The following KLHL29 variants were observed in gnomAD, a reference collection of about 807,000 sequenced individuals.
The protein encoded by KLHL29 is kelch-like protein 29.
A neutral mutation model predicts 80.4 loss-of-function variants in KLHL29; 21 were observed. The observed-to-expected ratio is 0.26, with a 90% CI of 0.19 to 0.38. The LOEUF (loss-of-function observed/expected upper bound fraction) is 0.38, where lower values mean the gene tolerates loss of function less well. Ranked by LOEUF, KLHL29 falls within the 10% of genes least tolerant of loss-of-function variation. The pLI, the probability that KLHL29 is intolerant of heterozygous loss-of-function variation, is 1.00. For missense variants in KLHL29, 867 were observed against 1,223.9 expected (o/e 0.71, Z 4.35); for synonymous variants, 511 against 526.8 (o/e 0.97, Z 0.41).
At chr2:23,489,266 C>T (rs750318740) in intron 2 of KLHL29, among the ~76,000 whole-genome samples, 2 of 152,132 alleles carry the variant, frequency 1.3e-5, no homozygotes, top group Middle Eastern at 3.4e-3. Context: ...AGGGCCTACC[C>T]GCGAGCCTGG....
At chr2:23,594,404 C>T (rs560233916) in intron 3 of KLHL29, among the ~76,000 whole-genome samples, 14 of 152,276 alleles carry the variant, frequency 9.2e-5, no homozygotes, top group African/African-American at 3.4e-4. Flanking sequence ...AGGGACATTT[C>T]GTTCCTCCTG....
intron 2 of KLHL29, among the ~76,000 whole-genome samples, chr2:23,522,458 C>A (rs558314045): frequency 6.6e-6 from 1 of 152,092 alleles, no homozygotes; most frequent in Admixed American, 6.5e-5. Context: ...CCTCTAAGGC[C>A]CTTTTGATTG....
intron 11 of KLHL29, among the ~76,000 whole-genome samples, chr2:23,699,310 G>C (rs571704615): frequency 7.2e-5 from 11 of 152,212 alleles, no homozygotes; most frequent in Non-Finnish European, 1.2e-4. Context: ...CAACCCTGGT[G>C]GCACAGCATG....
At chr2:23,535,914 T>C (rs1489406445) in intron 2 of KLHL29, among the ~76,000 whole-genome samples, 1 of 152,190 alleles carries the variant, frequency 6.6e-6, no homozygotes, top group African/African-American at 2.4e-5. Context: ...GTTTTAGGTT[T>C]TGTATATTTG....
chr2:23,553,291 G>A (rs1667175981), intron 2 of KLHL29, among the ~76,000 whole-genome samples: 1 of 152,248 alleles, frequency 6.6e-6, no homozygotes, highest in East Asian at 1.9e-4. Context: ...GCCAGGATGG[G>A]AGTGGAAATG....
chr2:23,501,204 C>T (rs1665425194), intron 2 of KLHL29, among the ~76,000 whole-genome samples: 1 of 152,026 alleles, frequency 6.6e-6, no homozygotes, highest in South Asian at 2.1e-4. Flanking sequence ...GTGAACACGT[C>T]GGGCAGATTC....
intron 3 of KLHL29, among the ~76,000 whole-genome samples, chr2:23,632,463 G>A (rs528611449): frequency 1.6e-4 from 24 of 152,372 alleles, no homozygotes; most frequent in Admixed American, 3.3e-4. Flanking sequence ...ACCTGGCACC[G>A]TGAAGACCTC....
chr2:23,606,046 G>T (rs989112890), intron 3 of KLHL29, among the ~76,000 whole-genome samples: 1 of 152,102 alleles, frequency 6.6e-6, no homozygotes, highest in African/African-American at 2.4e-5. Flanking sequence ...TGGGATTACA[G>T]GTGTGAGCCA....
intron 3 of KLHL29, among the ~76,000 whole-genome samples, chr2:23,636,181 C>T (rs1038319943): frequency 1.3e-5 from 2 of 152,352 alleles, no homozygotes; most frequent in East Asian, 1.9e-4. Context: ...CGCTGACGCA[C>T]ATCACCAGTG....
At position 23,693,436 on chromosome 2, in the gene KLHL29, G is replaced by A. The variant is rs911194368; in HGVS notation, c.1450G>A (p.Val484Ile). 17 of 1,551,730 alleles carry A rather than the reference G, an allele frequency of 1.1e-5. No individual in the cohort carries two copies. The highest frequency in any genetic ancestry group is 9.8e-5 in the Admixed American group (5 of 51,006). ...CTCCAAGGACGACTTCATCGCCTAC[G>A]TCTCCAACGACAGCCTCAACACCAA... ...SISKDDFIAY[V>I]SNDSLNTKAE... Residue 484 changes from valine (V) to isoleucine (I), a missense_variant, in exon 8 of 14, where the codon GTC (valine) becomes ATC (isoleucine). By Grantham distance (29) the Val-to-Ile change is conservative. This residue lies in a region of KLHL29 where 443 missense variants were observed against 767.0 expected (regional missense o/e 0.58). Transcript: ENST00000486442.
intron 1 of KLHL29, among the ~76,000 whole-genome samples, chr2:23,441,261 T>C (rs998447769): frequency 7.3e-5 from 10 of 136,448 alleles, no homozygotes; most frequent in Non-Finnish European, 1.4e-4. Context: ...TTCTCACTCA[T>C]AGGTGGGAAT....
intron 1 of KLHL29, among the ~76,000 whole-genome samples, chr2:23,445,252 CTA>C (rs932998863): frequency 5.9e-5 from 9 of 152,218 alleles, no homozygotes; most frequent in African/African-American, 2.2e-4. Context: ...CTCCATTCTC[CTA>C]TATAGATAAC....
intron 1 of KLHL29, among the ~76,000 whole-genome samples, chr2:23,388,993 T>TCTTC (rs1558320184): frequency 2.0e-5 from 2 of 100,550 alleles, no homozygotes; most frequent in African/African-American, 3.1e-5. Flanking sequence ...CTTCTTCTTT[T>TCTTC]TTTTTTTTTT....
At position 23,575,061 on chromosome 2, in the gene KLHL29, C is replaced by A. The variant is rs560538482; in HGVS notation, c.285+12580C>A. 2.6e-5 allele frequency among the ~76,000 whole-genome samples: 4 copies of A among 152,304 alleles called. No individual in the cohort carries two copies. The East Asian group carries it at 7.7e-4, about 29-fold the overall frequency. ...CAGGTAACCTGATCTGGGTAGACAGCCTCTCCCCTCTCCCATTTGCTCCTC... is the reference window on the plus strand; with the variant it reads ...CAGGTAACCTGATCTGGGTAGACAGACTCTCCCCTCTCCCATTTGCTCCTC... On this transcript the variant is annotated intron_variant, in intron 3 of 13. Coordinates refer to ENST00000486442, the MANE Select transcript of KLHL29 (RefSeq NM_052920.2).
rs571672770 is a variant in KLHL29, at chr2:23,641,261, C to A, written c.428-1077C>A. Among the ~76,000 whole-genome samples, 4 of 152,328 alleles carry A rather than the reference C, an allele frequency of 2.6e-5. No individual in the cohort carries two copies. The South Asian group carries it at 8.3e-4, about 32-fold the overall frequency. ...TCTCAAGAGATGTATCTGGACCCCA[C>A]CTCATTCAGCCATATTTTTCTTAAG... On this transcript the variant is annotated intron_variant, in intron 4 of 13. Transcript: ENST00000486442.
At position 23,694,570 on chromosome 2, in the gene KLHL29, C is replaced by T. The variant is rs572184662; in HGVS notation, c.1542+1042C>T. Among the ~76,000 whole-genome samples the T allele has an allele frequency of 2.1e-4, 32 of 152,356 alleles. No homozygotes were observed. The Middle Eastern group carries it at 0.01, about 49-fold the overall frequency. ...GGGAAACTGTGCAGTCCTTGTTGAG[C>T]ATGAGCATGAGCTGGCCTCCCCAGC... is the stretch of plus-strand genomic sequence containing the variant. On this transcript the variant is annotated intron_variant, in intron 8 of 13. Coordinates refer to ENST00000486442, the MANE Select transcript of KLHL29 (RefSeq NM_052920.2).
At chr2:23,481,839 C>T (rs1291322721) in intron 2 of KLHL29, among the ~76,000 whole-genome samples, 2 of 151,966 alleles carry the variant, frequency 1.3e-5, no homozygotes, top group Non-Finnish European at 2.9e-5. Flanking sequence ...ATTGCTTGAA[C>T]CCGGGAGGCA....
At chr2:23,643,137 A>C (rs1429223451) in intron 5 of KLHL29, 1 of 572,116 alleles carries the variant, frequency 1.7e-6, no homozygotes, top group Non-Finnish European at 3.2e-6. Flanking sequence ...CCTCCAGCCC[A>C]AGCCCTGGCC....
At chr2:23,545,522 G>A (rs890702677) in intron 2 of KLHL29, among the ~76,000 whole-genome samples, 2 of 152,254 alleles carry the variant, frequency 1.3e-5, no homozygotes, top group Non-Finnish European at 2.9e-5. Context: ...CCCCAGGCCA[G>A]GAGGCTGACA....
Sources: allele counts gnomAD v4.1 joint callset (sites outside exome capture counted in the v4.1 genomes callset), GRCh38; gene constraint gnomAD v4.1.1; regional missense constraint gnomAD v4.1.1; transcripts MANE v1.5; gene names NCBI Gene and HGNC (gene_info 2026-07-23, HGNC 2026-07-21).